TTC7B: variants seen among roughly 807,000 people sequenced by gnomAD.
TTC7B encodes tetratricopeptide repeat protein 7B.
Under a neutral mutation model 106.8 loss-of-function variants are expected in TTC7B, and 28 were observed. The observed-to-expected ratio is 0.26, with a 90% CI of 0.19 to 0.36. TTC7B has a LOEUF of 0.36. Ranked by LOEUF, TTC7B falls within the 10% of genes least tolerant of loss-of-function variation. TTC7B has a pLI of 1.00. For synonymous variants in TTC7B, 405 were observed against 430.6 expected (o/e 0.94, Z 0.74); for missense variants, 862 against 1,076.4 (o/e 0.80, Z 2.79).
chr14:90,776,134 C>T (rs1163890960), intron 3 of TTC7B, among the ~76,000 whole-genome samples: 1 of 138,798 alleles, frequency 7.2e-6, no homozygotes, highest in Non-Finnish European at 1.6e-5. Flanking sequence ...GGAGAGGGCC[C>T]CCCGTGACAC....
Position 90,754,265 on chromosome 14 carries a change from G to A in TTC7B, c.446-9343C>T, listed in dbSNP as rs537122590. On this transcript the variant is annotated intron_variant, in intron 3 of 19. Coordinates refer to ENST00000328459, the MANE Select transcript of TTC7B (RefSeq NM_001010854.2). ...CAGACAGCCTAACTCCTGAGTTCTC[G>A]TTCTCAGCCTCTACCTCACACTCTC... 3.9e-5 allele frequency among the ~76,000 whole-genome samples: 6 copies of A among 152,246 alleles called. No individual in the cohort carries two copies. The South Asian group carries it at 6.2e-4, about 16-fold the overall frequency.
At chr14:90,667,892 A>C (rs1886473523) in intron 9 of TTC7B, among the ~76,000 whole-genome samples, 1 of 152,208 alleles carries the variant, frequency 6.6e-6, no homozygotes, top group African/African-American at 2.4e-5. Flanking sequence ...AATCTGGTAC[A>C]ATCTTCAGGA....
chr14:90,692,604 C>A (rs1887518381), intron 6 of TTC7B, among the ~76,000 whole-genome samples: 3 of 152,172 alleles, frequency 2.0e-5, no homozygotes, highest in African/African-American at 7.2e-5. Flanking sequence ...GAAAAACTGA[C>A]TTTTTAAATG....
chr14:90,797,570 A>G (rs2029960406), intron 1 of TTC7B, among the ~76,000 whole-genome samples: 1 of 151,960 alleles, frequency 6.6e-6, no homozygotes, highest in Non-Finnish European at 1.5e-5. Flanking sequence ...CCCTGCCTCC[A>G]GAGTGCTAAC....
At position 90,586,517 on chromosome 14, in the gene TTC7B, G is replaced by A. The variant is rs936280416; in HGVS notation, c.2107+6969C>T. ...ACTCCTGACCTCAGGTGATTGACCCGCCTCAGCCTTCCAAACTGCTGGGAT... is the reference window on the plus strand; with the variant it reads ...ACTCCTGACCTCAGGTGATTGACCCACCTCAGCCTTCCAAACTGCTGGGAT... On this transcript the variant is annotated intron_variant, in intron 18 of 19. Coordinates refer to ENST00000328459, the MANE Select transcript of TTC7B (RefSeq NM_001010854.2). Among the ~76,000 whole-genome samples the A allele has an allele frequency of 7.2e-5, 11 of 152,160 alleles. No individual in the cohort carries two copies. The South Asian group carries it at 1.7e-3, about 23-fold the overall frequency.
intron 17 of TTC7B, among the ~76,000 whole-genome samples, chr14:90,597,853 C>T (rs1473759852): frequency 2.6e-5 from 4 of 152,110 alleles, no homozygotes; most frequent in Non-Finnish European, 2.9e-5. Flanking sequence ...GTTCCTGCAT[C>T]GTACATCAGA....
chr14:90,588,852 T>G (rs79062339), intron 18 of TTC7B, among the ~76,000 whole-genome samples: 2 of 149,754 alleles, frequency 1.3e-5, no homozygotes, highest in East Asian at 3.9e-4. Flanking sequence ...ATTGATAAAT[T>G]TATTTTAAAA....
At chr14:90,720,884 C>T (rs568583108) in intron 5 of TTC7B, among the ~76,000 whole-genome samples, 13 of 152,272 alleles carry the variant, frequency 8.5e-5, no homozygotes, top group Admixed American at 2.0e-4. Context: ...TTTGCTGTCT[C>T]GACCCTAGTT....
At chr14:90,647,097 T>G in intron 13 of TTC7B, 74 bp from the exon 14 acceptor site, 1 of 1,294,346 alleles carries the variant, frequency 7.7e-7, no homozygotes. Flanking sequence ...GCAAGTCTTC[T>G]CCACATTTGC....
At chr14:90,777,404 A>C (rs1449068394) in intron 3 of TTC7B, among the ~76,000 whole-genome samples, 1 of 152,102 alleles carries the variant, frequency 6.6e-6, no homozygotes, top group Non-Finnish European at 1.5e-5. Flanking sequence ...GGAGAGTTAA[A>C]GAGACAGGAA....
intron 15 of TTC7B, among the ~76,000 whole-genome samples, chr14:90,629,794 G>A (rs904665144): frequency 1.3e-5 from 2 of 152,176 alleles, no homozygotes; most frequent in Non-Finnish European, 2.9e-5. Flanking sequence ...GCCCAGCCTC[G>A]CCTCTCCCAG....
At chr14:90,674,819 G>A (rs977979068) in intron 9 of TTC7B, among the ~76,000 whole-genome samples, 2 of 152,102 alleles carry the variant, frequency 1.3e-5, no homozygotes, top group African/African-American at 2.4e-5. Context: ...CAGCTTCCCC[G>A]AGGCAACCTT....
chr14:90,578,275 TC>T lies in TTC7B; in HGVS notation c.2140del (p.Glu714LysfsTer44). The T allele has an allele frequency of 6.2e-7, 1 of 1,614,204 alleles. No homozygotes were observed. Among genetic ancestry groups the T allele is most frequent in the Non-Finnish European group, 8.5e-7 (1 of 1,180,038 alleles). ...EVYIGIGKPA[E>X]ATACTQEAAN... ...AGCTTCTTGGGTACAGGCTGTGGCT[TC>T]TGCAGGCTTCCCGATGCCGATATAG... On this transcript the variant is annotated frameshift_variant, in exon 19 of 20. Coordinates refer to ENST00000328459, the MANE Select transcript of TTC7B (RefSeq NM_001010854.2). LOFTEE classifies it high-confidence loss of function. This position sits in a 1 kb window ranked among gnomAD's most constrained non-coding sequence, Gnocchi z 4.7.
Position 90,529,575 on chromosome 14 carries a change from G to A in TTC7B, c.*11793C>T, listed in dbSNP as rs1172367115. 6.6e-6 allele frequency: 1 copy of A among 152,154 alleles called. No homozygotes were observed. Among genetic ancestry groups the A allele is most frequent in the African/African-American group, 2.4e-5 (1 of 41,426 alleles). 9.4% of individuals were successfully genotyped at this position (152,154 alleles called of 1,614,324 possible). On this transcript the variant is annotated 3_prime_UTR_variant, in exon 20 of 20. Transcript: ENST00000328459. ...ATGGATTCTGGAGTCAGGCAACCTG[G>A]GTTCAAGGCCTGCTGTAGTATTACC...
intron 15 of TTC7B, among the ~76,000 whole-genome samples, chr14:90,637,984 T>C (rs1885014777): frequency 1.3e-5 from 2 of 152,032 alleles, no homozygotes; most frequent in South Asian, 4.1e-4. Flanking sequence ...TGGGCTCAAC[T>C]GATCCTCCCA....
chr14:90,710,352 A>G (rs1622832), intron 5 of TTC7B, among the ~76,000 whole-genome samples: 58,323 of 152,064 alleles, frequency 0.38, 11,788 homozygotes, highest in African/African-American at 0.49. Context: ...TTACAGATAT[A>G]CAAAGAAATA....
intron 7 of TTC7B, among the ~76,000 whole-genome samples, chr14:90,686,612 TAAAC>T (rs1381794882): frequency 6.6e-6 from 1 of 152,158 alleles, no homozygotes; most frequent in East Asian, 1.9e-4. Flanking sequence ...TTAGGACCAA[TAAAC>T]AAATTCAGCA....
intron 12 of TTC7B, 121 bp from the exon 13 acceptor site, chr14:90,653,019 G>C: frequency 9.7e-7 from 1 of 1,028,250 alleles, no homozygotes; most frequent in Non-Finnish European, 1.5e-6. Context: ...GAGTGCCTAC[G>C]TGCCCAGTCC....
intron 17 of TTC7B, among the ~76,000 whole-genome samples, chr14:90,601,790 C>T (rs756549211): frequency 6.6e-6 from 1 of 152,158 alleles, no homozygotes; most frequent in African/African-American, 2.4e-5. Flanking sequence ...GCACCTGACT[C>T]GCCCTTAAAA....
Sources: gnomAD v4.1 joint callset for allele counts (sites outside exome capture counted in the v4.1 genomes callset) on GRCh38, gnomAD v4.1.1 for gene constraint, Gnocchi (gnomAD v3.1) non-coding constraint, MANE v1.5 for transcripts, NCBI Gene and HGNC (gene_info 2026-07-23, HGNC 2026-07-21) for gene names.